The following KIF1B variants were observed in gnomAD, a reference collection of about 807,000 sequenced individuals.
KIF1B encodes kinesin family member 1B, also known as kinesin-like protein KIF1B.
Under a neutral mutation model 241.9 loss-of-function variants are expected in KIF1B, and 76 were observed. The ratio of observed to expected loss-of-function variants is 0.31; its 90% confidence interval spans 0.26 to 0.38. The LOEUF (loss-of-function observed/expected upper bound fraction) is 0.38. KIF1B is among the 10% of genes least tolerant of loss of function. KIF1B has a pLI of 1.00. For synonymous variants in KIF1B, 750 were observed against 796.7 expected (o/e 0.94, Z 0.99); for missense variants, 1,622 against 2,271.4 (o/e 0.71, Z 5.81).
At chr1:10,271,801 G>C (rs1169348122) in intron 8 of KIF1B, among the ~76,000 whole-genome samples, 3 of 152,204 alleles carry the variant, frequency 2.0e-5, no homozygotes, top group Non-Finnish European at 4.4e-5. Flanking sequence ...CTCCTGATCT[G>C]TAACTTCAAT....
At chr1:10,304,576 G>C in intron 22 of KIF1B, 1 of 1,614,134 alleles carries the variant, frequency 6.2e-7, no homozygotes, top group East Asian at 2.2e-5. Context: ...TAGCCAGTTT[G>C]TGACACCTCC....
intron 2 of KIF1B, among the ~76,000 whole-genome samples, chr1:10,237,550 T>C (rs966951845): frequency 5.3e-5 from 8 of 152,224 alleles, no homozygotes; most frequent in Admixed American, 6.5e-5. Flanking sequence ...ACCTTTTTTT[T>C]CCCCAGTGCC....
intron 2 of KIF1B, among the ~76,000 whole-genome samples, chr1:10,252,914 G>A (rs376313386): frequency 2.6e-5 from 4 of 151,930 alleles, no homozygotes; most frequent in Non-Finnish European, 5.9e-5. Flanking sequence ...TAACAGAGAT[G>A]GGGTTTCACC....
chr1:10,211,143 C>G (rs1646687913), intron 1 of KIF1B, among the ~76,000 whole-genome samples: 1 of 152,184 alleles, frequency 6.6e-6, no homozygotes, highest in South Asian at 2.1e-4. Flanking sequence ...CGCTGCCAGG[C>G]CCCGGCTGTG....
At chr1:10,212,424 A>G (rs140988427) in intron 1 of KIF1B, among the ~76,000 whole-genome samples, 3 of 152,370 alleles carry the variant, frequency 2.0e-5, no homozygotes, top group East Asian at 1.9e-4. Flanking sequence ...GAGATGATCA[A>G]TAACTGGGTT....
chr1:10,291,210 G>GGATTA (rs780143960), intron 16 of KIF1B, 49 bp downstream of exon 16: 4 of 1,210,580 alleles, frequency 3.3e-6, no homozygotes, highest in Non-Finnish European at 4.9e-6. Flanking sequence ...TAGGGGATGT[G>GGATTA]GATTACTTTA....
intron 2 of KIF1B, among the ~76,000 whole-genome samples, chr1:10,251,987 A>G (rs1028789572): frequency 1.3e-5 from 2 of 152,094 alleles, no homozygotes; most frequent in African/African-American, 4.8e-5. Flanking sequence ...GTGGTCATTC[A>G]TCTTTTAGAT....
chr1:10,213,859 G>A (rs1413277329), intron 1 of KIF1B, among the ~76,000 whole-genome samples: 1 of 152,124 alleles, frequency 6.6e-6, no homozygotes, highest in Non-Finnish European at 1.5e-5. Flanking sequence ...GCCTTGGGCC[G>A]GATGCAGTGG....
intron 32 of KIF1B, 68 bp from the exon 33 acceptor site, chr1:10,341,982 C>A: frequency 3.2e-5 from 31 of 969,466 alleles, no homozygotes; most frequent in Non-Finnish European, 4.9e-5. Flanking sequence ...AAAATACGTA[C>A]TAAAGTTCTG....
chr1:10,340,610 G>A (rs1391006548), intron 32 of KIF1B, among the ~76,000 whole-genome samples: 2 of 152,118 alleles, frequency 1.3e-5, no homozygotes, highest in Non-Finnish European at 2.9e-5. Context: ...CTGGGAGGCC[G>A]AGGCAGGTGG....
intron 20 of KIF1B, 89 bp from the exon 21 acceptor site, chr1:10,296,808 T>C: frequency 7.2e-7 from 1 of 1,391,440 alleles, no homozygotes; most frequent in Non-Finnish European, 1.0e-6. Flanking sequence ...GAAAGCTGTC[T>C]TTTCACATTA....
chr1:10,222,522 T>C (rs1392266731), intron 1 of KIF1B, among the ~76,000 whole-genome samples: 4 of 152,218 alleles, frequency 2.6e-5, no homozygotes, highest in African/African-American at 9.6e-5. Flanking sequence ...AAAGGAATGC[T>C]ACAAACACAA....
At chr1:10,342,336 A>G (rs1652428548) in intron 33 of KIF1B, among the ~76,000 whole-genome samples, 168 bp downstream of exon 33, 1 of 152,220 alleles carries the variant, frequency 6.6e-6, no homozygotes, top group Non-Finnish European at 1.5e-5. Context: ...CCACCTAATC[A>G]CTGATTTTAG....
At chr1:10,258,801 A>T (rs1474414526) in intron 4 of KIF1B, 129 bp downstream of exon 4, 2 of 924,892 alleles carry the variant, frequency 2.2e-6, no homozygotes, top group African/African-American at 3.3e-5. Flanking sequence ...AAGATGAACA[A>T]CCCATTATTT....
intron 32 of KIF1B, 87 bp from the exon 33 acceptor site, chr1:10,341,963 A>C (rs1652411912): frequency 8.3e-6 from 8 of 967,428 alleles, no homozygotes; most frequent in Admixed American, 2.0e-5. Context: ...AAAAAAAAAA[A>C]AAAAACCCAA....
chr1:10,226,590 G>A (rs1646911531), intron 1 of KIF1B, among the ~76,000 whole-genome samples: 1 of 152,006 alleles, frequency 6.6e-6, no homozygotes, highest in Admixed American at 6.6e-5. Context: ...TCAACATTTT[G>A]GCAATCTTGT....
intron 22 of KIF1B, among the ~76,000 whole-genome samples, chr1:10,315,590 A>G (rs1301181070): frequency 6.6e-6 from 1 of 151,628 alleles, no homozygotes; most frequent in Non-Finnish European, 1.5e-5. Context: ...TAAATCAAAA[A>G]TTAGGAAAGA....
chr1:10,256,774 C>CCAT (rs1161372861), intron 3 of KIF1B, among the ~76,000 whole-genome samples: 2 of 151,550 alleles, frequency 1.3e-5, no homozygotes, highest in African/African-American at 4.8e-5. Context: ...TACAGTGGTG[C>CCAT]CATCTTGGCT....
chr1:10,267,366 T>C lies in KIF1B; in HGVS notation c.430-14T>C, dbSNP rs761146418. 6.2e-7 allele frequency: 1 copy of C among 1,612,924 alleles called. No homozygotes were observed. Among genetic ancestry groups the C allele is most frequent in the Admixed American group, 1.7e-5 (1 of 60,018 alleles). On this transcript the variant is annotated splice_polypyrimidine_tract_variant and intron_variant, in intron 5 of 48. Coordinates refer to ENST00000676179, the MANE Select transcript of KIF1B (RefSeq NM_001365951.3). ...TCTTTTTCACTCTAATTCACTTTAC[T>C]AATTTGTTCATAGGTGAGCTACATG... is the stretch of plus-strand genomic sequence containing the variant.
Sources: allele counts gnomAD v4.1 joint callset (sites outside exome capture counted in the v4.1 genomes callset), GRCh38; gene constraint gnomAD v4.1.1; transcripts MANE v1.5; gene names NCBI Gene and HGNC (gene_info 2026-07-23, HGNC 2026-07-21).